Variants in CSMD3 observed in about 807,000 individuals in gnomAD.
The protein encoded by CSMD3 is CUB and Sushi multiple domains 3, also known as CUB and sushi domain-containing protein 3.
In CSMD3, 177 loss-of-function variants were observed where a neutral mutation model predicts 435.2. The ratio of observed to expected loss-of-function variants is 0.41; its 90% confidence interval spans 0.36 to 0.46. CSMD3 has a LOEUF of 0.46. CSMD3 is among the 20% of genes least tolerant of loss of function. The pLI is 0.34. For synonymous variants in CSMD3, 1,656 were observed against 1,520.5 expected (o/e 1.09, Z -2.07); for missense variants, 4,265 against 4,504.6 (o/e 0.95, Z 1.52).
At chr8:112,398,575 A>G (rs1446641857) in intron 35 of CSMD3, among the ~76,000 whole-genome samples, 2 of 152,110 alleles carry the variant, frequency 1.3e-5, no homozygotes, top group Non-Finnish European at 2.9e-5. Context: ...CCACATCTCC[A>G]TAGCTTTATT....
At chr8:113,049,358 C>T (rs1368205997) in intron 5 of CSMD3, among the ~76,000 whole-genome samples, 2 of 151,706 alleles carry the variant, frequency 1.3e-5, no homozygotes, top group East Asian at 1.9e-4. Context: ...CCTAGACATT[C>T]CTGACTACTA....
At chr8:113,350,624 ATTACCCAAGAGGTCT>A (rs1224860619) in intron 1 of CSMD3, among the ~76,000 whole-genome samples, 1 of 152,118 alleles carries the variant, frequency 6.6e-6, no homozygotes, top group Non-Finnish European at 1.5e-5. Flanking sequence ...TCTCTGAAGG[ATTACCCAAGAGGTCT>A]TTCTACCCTA....
At chr8:113,136,448 T>C (rs926978044) in intron 4 of CSMD3, among the ~76,000 whole-genome samples, 4 of 151,492 alleles carry the variant, frequency 2.6e-5, no homozygotes, top group Non-Finnish European at 5.9e-5. Context: ...GGATATATAT[T>C]GTATGGTTTA....
At chr8:113,244,888 T>C (rs1244530017) in intron 3 of CSMD3, among the ~76,000 whole-genome samples, 4 of 152,178 alleles carry the variant, frequency 2.6e-5, no homozygotes, top group Non-Finnish European at 5.9e-5. Flanking sequence ...TTATTAAATA[T>C]GAGGTGTTGA....
chr8:112,323,930 T>C (rs901054729), intron 45 of CSMD3, among the ~76,000 whole-genome samples: 3 of 152,090 alleles, frequency 2.0e-5, no homozygotes, highest in Non-Finnish European at 4.4e-5. Context: ...AATTTCATAG[T>C]GGTTGAATTA....
At chr8:112,459,008 T>C (rs557137249) in intron 32 of CSMD3, among the ~76,000 whole-genome samples, 25 of 152,128 alleles carry the variant, frequency 1.6e-4, no homozygotes, top group African/African-American at 6.0e-4. Flanking sequence ...CTACAAACAA[T>C]GAATGCTTCC....
chr8:113,139,945 A>G (rs1480914008), intron 4 of CSMD3, among the ~76,000 whole-genome samples: 4 of 151,178 alleles, frequency 2.6e-5, no homozygotes, highest in Non-Finnish European at 4.5e-5. Context: ...TCTCAGATTT[A>G]CAATGGCTTG....
chr8:112,695,555 T>C (rs925574657), intron 13 of CSMD3, among the ~76,000 whole-genome samples: 1 of 152,128 alleles, frequency 6.6e-6, no homozygotes, highest in Non-Finnish European at 1.5e-5. Context: ...AAACTCTCAA[T>C]AAATTATGTA....
chr8:113,185,472 T>C (rs2092484940), intron 3 of CSMD3, among the ~76,000 whole-genome samples: 1 of 152,018 alleles, frequency 6.6e-6, no homozygotes. Flanking sequence ...GAAAATCTAG[T>C]GAGGACACTC....
chr8:112,422,195 A>C (rs1427272799), intron 32 of CSMD3, among the ~76,000 whole-genome samples: 1 of 152,136 alleles, frequency 6.6e-6, no homozygotes, highest in Non-Finnish European at 1.5e-5. Flanking sequence ...AAAAGAGTGA[A>C]TTATTTTAAG....
At chr8:112,288,390 A>G (rs1205820021) in intron 57 of CSMD3, among the ~76,000 whole-genome samples, 3 of 152,094 alleles carry the variant, frequency 2.0e-5, no homozygotes, top group East Asian at 3.9e-4. Flanking sequence ...AGTTACATTA[A>G]AAATGATAGT....
intron 6 of CSMD3, among the ~76,000 whole-genome samples, chr8:112,979,151 C>T (rs1167626060): frequency 6.6e-6 from 1 of 151,592 alleles, no homozygotes; most frequent in African/African-American, 2.4e-5. Context: ...GTTGTTATTT[C>T]CAAAACAAAA....
At chr8:112,906,875 T>A (rs549306828) in intron 10 of CSMD3, among the ~76,000 whole-genome samples, 1 of 151,680 alleles carries the variant, frequency 6.6e-6, no homozygotes, top group South Asian at 2.1e-4. Flanking sequence ...ACTGCCTTTT[T>A]CAAAGCTAGT....
At chr8:112,374,514 C>A (rs1247925054) in intron 38 of CSMD3, among the ~76,000 whole-genome samples, 1 of 152,012 alleles carries the variant, frequency 6.6e-6, no homozygotes, top group Non-Finnish European at 1.5e-5. Flanking sequence ...TAAATTTCTT[C>A]AAAAAAGAAA....
intron 2 of CSMD3, among the ~76,000 whole-genome samples, chr8:113,292,576 A>G (rs2093693706): frequency 6.6e-6 from 1 of 151,954 alleles, no homozygotes. Context: ...ACAAAAAATA[A>G]TAGACAATTT....
intron 13 of CSMD3, among the ~76,000 whole-genome samples, chr8:112,701,930 CATA>C (rs1239712955): frequency 6.6e-6 from 1 of 152,114 alleles, no homozygotes; most frequent in African/African-American, 2.4e-5. Flanking sequence ...ATACATCCTC[CATA>C]ATGAGTGCCC....
chr8:112,739,798 T>C (rs1424794432), intron 13 of CSMD3, among the ~76,000 whole-genome samples: 1 of 151,860 alleles, frequency 6.6e-6, no homozygotes, highest in East Asian at 1.9e-4. Flanking sequence ...TTACATAATA[T>C]AAATATACAT....
intron 7 of CSMD3, among the ~76,000 whole-genome samples, chr8:112,971,712 T>G (rs2130912992): frequency 6.6e-6 from 1 of 152,200 alleles, no homozygotes; most frequent in African/African-American, 2.4e-5. Context: ...CAAAGTGAGG[T>G]GTGGTGTTAA....
chr8:113,372,778 CA>C (rs1416092931), intron 1 of CSMD3, among the ~76,000 whole-genome samples: 16 of 151,822 alleles, frequency 1.1e-4, no homozygotes, highest in African/African-American at 3.6e-4. Context: ...ACTAAAAATA[CA>C]AAAAATTAGC....
Sources: allele counts gnomAD v4.1 joint callset (sites outside exome capture counted in the v4.1 genomes callset), GRCh38; gene constraint gnomAD v4.1.1; transcripts MANE v1.5; gene names NCBI Gene and HGNC (gene_info 2026-07-23, HGNC 2026-07-21).